ADGRL1: variants seen among roughly 807,000 people sequenced by gnomAD.
ADGRL1 encodes the protein CIRL-1.
ADGRL1 carries 31 observed loss-of-function variants against 148.9 expected under a neutral mutation model. That is an observed-to-expected ratio of 0.21 (90% CI 0.16 to 0.28). The LOEUF is 0.28. ADGRL1 is among the 10% of genes least tolerant of loss of function. The pLI is 1.00. For synonymous variants in ADGRL1, 937 were observed against 900.3 expected, an observed-to-expected ratio of 1.04 and a Z score of -0.73; for missense variants, 1,521 against 2,058.8, an observed-to-expected ratio of 0.74 and a Z score of 5.05.
chr19:14,151,285 T>C lies in ADGRL1; in HGVS notation c.3998A>G (p.Lys1333Arg). 1 of 1,611,504 alleles carries C rather than the reference T, an allele frequency of 6.2e-7. No individual in the cohort carries two copies. Among genetic ancestry groups the C allele is most frequent in the Non-Finnish European group, 8.5e-7 (1 of 1,179,460 alleles). Residue 1333 changes from lysine to arginine, a missense_variant, in exon 23 of 23, where the codon AAG becomes AGG. Lys to Arg is a conservative substitution (Grantham distance 26). Around this residue, in one of 8 missense-constraint regions of ADGRL1, gnomAD observed 390 missense variants for 375.0 expected, o/e 1.04. Transcript: ENST00000361434. Reference sequence around the variant, plus strand: ...CAGCAGCAGAGGCTCCTCCAGGGCCTTATAGAGAAGTTCAATCTCGGCCCG... The same window carrying C: ...CAGCAGCAGAGGCTCCTCCAGGGCCCTATAGAGAAGTTCAATCTCGGCCCG... ...ADRAEIELLYKALEEPLLLPR... is the reference protein window; with the variant it reads ...ADRAEIELLYRALEEPLLLPR...
At chr19:14,188,087 A>G (rs1450021462) in intron 1 of ADGRL1, among the ~76,000 whole-genome samples, 1 of 151,892 alleles carries the variant, frequency 6.6e-6, no homozygotes, top group East Asian at 1.9e-4. Flanking sequence ...ACAGAGCAAG[A>G]CCCTCTCTTA....
intron 4 of ADGRL1, among the ~76,000 whole-genome samples, chr19:14,165,971 AC>A (rs2144801187): frequency 6.6e-6 from 1 of 151,842 alleles, no homozygotes; most frequent in South Asian, 2.1e-4. Flanking sequence ...CTAACATCTC[AC>A]CCTAGAAGCC....
At chr19:14,153,411 ATTTTTTT>A (rs36035971) in intron 18 of ADGRL1, among the ~76,000 whole-genome samples, 14 of 112,322 alleles carry the variant, frequency 1.2e-4, no homozygotes, top group Non-Finnish European at 2.1e-4. Context: ...GCAGGTTGTG[ATTTTTTT>A]TTTTTTTTTT....
intron 1 of ADGRL1, among the ~76,000 whole-genome samples, chr19:14,199,242 G>C (rs1320664149): frequency 6.6e-6 from 1 of 152,180 alleles, no homozygotes; most frequent in Non-Finnish European, 1.5e-5. Flanking sequence ...AGCCTCCCAG[G>C]GTGGCTGTGG....
In ADGRL1 at chr19:14,172,187, C is replaced by T. The variant is rs10421371; in HGVS notation, c.285-1396G>A. On this transcript the variant is annotated intron_variant, in intron 3 of 22. Transcript: ENST00000361434. Reference sequence around the variant, plus strand: ...CTGTAATCCCAGCACTTTGGGAGGCCAAGGCGGGTGGATCACCTGATGTCA... The same window carrying T: ...CTGTAATCCCAGCACTTTGGGAGGCTAAGGCGGGTGGATCACCTGATGTCA... Among the ~76,000 whole-genome samples the T allele has an allele frequency of 1.3e-3, 201 of 152,208 alleles. 1 individual carries two copies. Among genetic ancestry groups the T allele is most frequent in the African/African-American group, 4.5e-3 (187 of 41,558 alleles).
Position 14,160,018 on chromosome 19 carries a change from C to T in ADGRL1, c.1800+94G>A. 1.5e-6 allele frequency: 2 copies of T among 1,340,718 alleles called. No individual in the cohort carries two copies. Among genetic ancestry groups the T allele is most frequent in the Non-Finnish European group, 2.0e-6 (2 of 991,064 alleles). The allele number at this position is 1,340,718 out of a possible 1,614,324, so 83.1% of individuals were successfully genotyped here. A position where few individuals can be genotyped will look rare whatever the true frequency, so the allele number is the denominator to read the frequency against. On this transcript the variant is annotated intron_variant, in intron 8 of 22. Coordinates refer to ENST00000361434, the MANE Select transcript of ADGRL1 (RefSeq NM_014921.5). The surrounding 1 kb of genome is among the most constrained non-coding windows in gnomAD (Gnocchi z 5.9). ...TCTCTGAGGAAAGGAGTGGAGGTGGCAGCCTGGCTGGGAGGTACCAGGTCA... is the reference window on the plus strand; with the variant it reads ...TCTCTGAGGAAAGGAGTGGAGGTGGTAGCCTGGCTGGGAGGTACCAGGTCA...
intron 2 of ADGRL1, among the ~76,000 whole-genome samples, chr19:14,179,045 G>A (rs140217917): frequency 8.3e-4 from 126 of 152,090 alleles, no homozygotes; most frequent in Non-Finnish European, 1.4e-3. Context: ...TCAGCTGGAC[G>A]TGGTGGCATG....
Position 14,150,911 on chromosome 19 carries a change from C to T in ADGRL1, c.4372G>A (p.Asp1458Asn), listed in dbSNP as rs768643438. Residue 1458 changes from aspartate to asparagine, a missense_variant, in exon 23 of 23, where the codon GAT becomes AAT. Coordinates refer to ENST00000361434, the MANE Select transcript of ADGRL1 (RefSeq NM_014921.5). ...ACCAGCTGCATCTGCCCGTCCCCAT[C>T]GGGCCCTGGCCCCTCAAGGCCTGGG... The part of the protein sequence containing the change: ...AAPGLEGPGP[D>N]GDGQMQLVTS... 5.0e-6 allele frequency: 8 copies of T among 1,612,034 alleles called. No individual in the cohort carries two copies. The highest frequency in any genetic ancestry group is 1.1e-5 in the South Asian group (1 of 91,000).
In ADGRL1 at chr19:14,151,913, G is replaced by A. The variant is rs75054563; in HGVS notation, c.3667+220C>T. 0.016 allele frequency among the ~76,000 whole-genome samples: 2,384 copies of A among 152,234 alleles called. 66 individuals are homozygous for A. The highest frequency in any genetic ancestry group is 0.054 in the African/African-American group (2,252 of 41,526). On this transcript the variant is annotated intron_variant, in intron 22 of 22. Coordinates refer to ENST00000361434, the MANE Select transcript of ADGRL1 (RefSeq NM_014921.5). Reference sequence around the variant, plus strand: ...GTGAGGAGGCCTGGGCAACAGGATCGCTTTCCTGTGCTCAGACCCTCAGCA... The same window carrying A: ...GTGAGGAGGCCTGGGCAACAGGATCACTTTCCTGTGCTCAGACCCTCAGCA...
At chr19:14,204,403 CA>C (rs1242393238) in intron 1 of ADGRL1, among the ~76,000 whole-genome samples, 3 of 151,910 alleles carry the variant, frequency 2.0e-5, no homozygotes, top group Non-Finnish European at 4.4e-5. Context: ...TTGATCAATT[CA>C]GGGGGCCAGG....
Position 14,160,518 on chromosome 19 carries a change from C to T in ADGRL1, c.1614+75G>A, listed in dbSNP as rs1969246299. The T allele has an allele frequency of 8.7e-7, 1 of 1,153,476 alleles. No individual in the cohort carries two copies. The highest frequency in any genetic ancestry group is 2.5e-5 in the East Asian group (1 of 40,362). The allele number at this position is 1,153,476 out of a possible 1,614,324, so 71.5% of individuals were successfully genotyped here. On this transcript the variant is annotated intron_variant, in intron 7 of 22. Transcript: ENST00000361434. The surrounding 1 kb of genome is among the most constrained non-coding windows in gnomAD (Gnocchi z 5.9). ...CTGCCAGCCCATGTCTCCCCAGCTG[C>T]TCCACGACCCCCGCTGGGCCCTGGG...
At position 14,159,333 on chromosome 19, in the gene ADGRL1, C is replaced by A; in HGVS notation, c.2023+68G>T. On this transcript the variant is annotated intron_variant, in intron 10 of 22. Transcript: ENST00000361434. The surrounding 1 kb of genome is among the most constrained non-coding windows in gnomAD (Gnocchi z 6.0). ...CAAGGGTCGGATAGCCCCCCTGTGG[C>A]CTCCAGGCCAGAACCCCGTGGTTTA... 6.4e-7 allele frequency: 1 copy of A among 1,570,716 alleles called. No homozygotes were observed. The highest frequency in any genetic ancestry group is 8.7e-7 in the Non-Finnish European group (1 of 1,154,786).
At chr19:14,165,030 G>C (rs1777245763) in intron 4 of ADGRL1, among the ~76,000 whole-genome samples, 1 of 152,194 alleles carries the variant, frequency 6.6e-6, no homozygotes. Context: ...CTGGGACCTG[G>C]CACCGGCTTG....
At chr19:14,205,487 C>A (rs1444608952) in intron 1 of ADGRL1, among the ~76,000 whole-genome samples, 3 of 151,966 alleles carry the variant, frequency 2.0e-5, no homozygotes, top group Non-Finnish European at 4.4e-5. Flanking sequence ...CCTGTGGTGC[C>A]AGCCCCCGAC....
At chr19:14,176,603 G>A (rs142805496) in intron 3 of ADGRL1, among the ~76,000 whole-genome samples, 9,060 of 152,116 alleles carry the variant, frequency 0.06, 440 homozygotes, top group Non-Finnish European at 0.086. Flanking sequence ...TTGAGAGGCC[G>A]AGGCAGGAGG....
At chr19:14,199,570 C>T (rs1304206643) in intron 1 of ADGRL1, among the ~76,000 whole-genome samples, 2 of 151,666 alleles carry the variant, frequency 1.3e-5, no homozygotes, top group African/African-American at 4.8e-5. Flanking sequence ...GACCACAGGG[C>T]GTGTGCCACC....
chr19:14,181,942 G>A (rs1971225811), intron 2 of ADGRL1, among the ~76,000 whole-genome samples: 1 of 152,192 alleles, frequency 6.6e-6, no homozygotes, highest in Admixed American at 6.5e-5. Flanking sequence ...ACTGTGACAA[G>A]GAAGGGACAT....
chr19:14,161,871 T>A lies in ADGRL1; in HGVS notation c.1196-245A>T, dbSNP rs1372352275. Among the ~76,000 whole-genome samples the A allele has an allele frequency of 6.6e-6, 1 of 151,956 alleles. No homozygotes were observed. The highest frequency in any genetic ancestry group is 1.9e-4 in the East Asian group (1 of 5,178). On this transcript the variant is annotated intron_variant, in intron 5 of 22. Transcript: ENST00000361434. This position sits in a 1 kb window ranked among gnomAD's most constrained non-coding sequence, Gnocchi z 4.4. ...AAAATCCACGATGTGTACCATAAGG[T>A]CTGAGAGAACGGTCAGGGGAGAGGC...
intron 2 of ADGRL1, among the ~76,000 whole-genome samples, chr19:14,178,911 C>T (rs552951212): frequency 1.2e-4 from 18 of 152,074 alleles, no homozygotes; most frequent in African/African-American, 3.9e-4. Context: ...AGGCCAGGCG[C>T]GGTGGCTCAC....
Sources: allele counts gnomAD v4.1 joint callset (sites outside exome capture counted in the v4.1 genomes callset), GRCh38; gene constraint gnomAD v4.1.1; regional missense constraint gnomAD v4.1.1; non-coding constraint Gnocchi (gnomAD v3.1); transcripts MANE v1.5; gene names NCBI Gene and HGNC (gene_info 2026-07-23, HGNC 2026-07-21).